The following DRC11 variants were observed in gnomAD, a reference collection of about 807,000 sequenced individuals.
DRC11 encodes IQ and AAA domain-containing protein 1.
At chr2:236,413,124 C>T in the DRC11 span, among the ~76,000 whole-genome samples, 1 of 152,304 alleles carries the variant, frequency 6.6e-6, no homozygotes, top group East Asian at 1.9e-4. The surrounding 1 kb of genome is among the most constrained non-coding windows in gnomAD (Gnocchi z 4.0). Context: ...TGCAGTGCCT[C>T]CATTGGCCCT....
the DRC11 span, chr2:236,399,352 G>A: frequency 2.8e-5 from 38 of 1,337,926 alleles, no homozygotes; most frequent in Middle Eastern, 1.8e-4. This position sits in a 1 kb window ranked among gnomAD's most constrained non-coding sequence, Gnocchi z 7.0. Context: ...GCAGCCTCCC[G>A]TGATGGGGTT....
the DRC11 span, chr2:236,419,298 A>AT: frequency 6.6e-7 from 1 of 1,516,620 alleles, no homozygotes; most frequent in South Asian, 1.3e-5. This position sits in a 1 kb window ranked among gnomAD's most constrained non-coding sequence, Gnocchi z 4.8. Context: ...TAATCATACC[A>AT]TTTTCATAGA....
At chr2:236,415,220 GTT>G in the DRC11 span, among the ~76,000 whole-genome samples, 3 of 152,096 alleles carry the variant, frequency 2.0e-5, no homozygotes, top group Non-Finnish European at 4.4e-5. This position sits in a 1 kb window ranked among gnomAD's most constrained non-coding sequence, Gnocchi z 5.7. Flanking sequence ...GTCTTTTCAA[GTT>G]TTCCAATTAT....
the DRC11 span, among the ~76,000 whole-genome samples, chr2:236,455,817 T>C: frequency 6.6e-6 from 1 of 152,224 alleles, no homozygotes; most frequent in Admixed American, 6.5e-5. The surrounding 1 kb of genome is among the most constrained non-coding windows in gnomAD (Gnocchi z 5.7). Flanking sequence ...AGAAAGAATG[T>C]GCATTTGCTG....
the DRC11 span, among the ~76,000 whole-genome samples, chr2:236,416,256 T>G: frequency 6.6e-6 from 1 of 152,000 alleles, no homozygotes; most frequent in Non-Finnish European, 1.5e-5. Flanking sequence ...CCAGGCAAGG[T>G]GAGGGGGCTG....
At chr2:236,331,629 G>A in the DRC11 span, 2 of 1,524,228 alleles carry the variant, frequency 1.3e-6, no homozygotes, top group South Asian at 1.1e-5. This position sits in a 1 kb window ranked among gnomAD's most constrained non-coding sequence, Gnocchi z 4.8. Context: ...CAGAGAACAA[G>A]GGTTACCACA....
the DRC11 span, among the ~76,000 whole-genome samples, chr2:236,367,304 T>C: frequency 6.7e-6 from 1 of 148,166 alleles, no homozygotes; most frequent in East Asian, 1.9e-4. This position sits in a 1 kb window ranked among gnomAD's most constrained non-coding sequence, Gnocchi z 4.8. Flanking sequence ...ATAAAACATA[T>C]ATATTATATA....
the DRC11 span, among the ~76,000 whole-genome samples, chr2:236,450,718 T>G: frequency 1.3e-5 from 2 of 151,772 alleles, no homozygotes; most frequent in Non-Finnish European, 2.9e-5. Context: ...CCTTCATTTA[T>G]CATACATTAC....
At chr2:236,314,126 T>G in the DRC11 span, among the ~76,000 whole-genome samples, 4 of 152,212 alleles carry the variant, frequency 2.6e-5, no homozygotes, top group Non-Finnish European at 5.9e-5. The surrounding 1 kb of genome is among the most constrained non-coding windows in gnomAD (Gnocchi z 4.5). Flanking sequence ...TATTATACTA[T>G]AATTGTGCAA....
the DRC11 span, among the ~76,000 whole-genome samples, chr2:236,339,896 TG>T: frequency 6.6e-6 from 1 of 152,262 alleles, no homozygotes; most frequent in Non-Finnish European, 1.5e-5. Flanking sequence ...CCTGAATTTC[TG>T]GATGAATTTT....
At chr2:236,353,794 C>CGGGGTTA in the DRC11 span, among the ~76,000 whole-genome samples, 2 of 151,042 alleles carry the variant, frequency 1.3e-5, no homozygotes, top group Middle Eastern at 3.2e-3. This position sits in a 1 kb window ranked among gnomAD's most constrained non-coding sequence, Gnocchi z 5.0. Context: ...TGAGGTGCTG[C>CGGGGTTA]GGGGTTAGGG....
chr2:236,461,070 T>A, the DRC11 span, among the ~76,000 whole-genome samples: 5 of 152,136 alleles, frequency 3.3e-5, no homozygotes, highest in Non-Finnish European at 7.4e-5. The surrounding 1 kb of genome is among the most constrained non-coding windows in gnomAD (Gnocchi z 4.0). Flanking sequence ...AACATAGATT[T>A]AGTAAGTTAA....
the DRC11 span, among the ~76,000 whole-genome samples, chr2:236,413,756 T>C: frequency 6.6e-6 from 1 of 152,268 alleles, no homozygotes; most frequent in African/African-American, 2.4e-5. This position sits in a 1 kb window ranked among gnomAD's most constrained non-coding sequence, Gnocchi z 4.0. Flanking sequence ...TTAATGTTCA[T>C]GTGATCATGT....
At chr2:236,505,482 C>A in the DRC11 span, among the ~76,000 whole-genome samples, 7 of 152,088 alleles carry the variant, frequency 4.6e-5, no homozygotes, top group African/African-American at 1.7e-4. Flanking sequence ...CCTGTTACCC[C>A]CAGAGCCCTC....
chr2:236,368,442 G>C, the DRC11 span: 1 of 598,382 alleles, frequency 1.7e-6, no homozygotes, highest in East Asian at 2.8e-5. Context: ...GAGTCATTAT[G>C]AAGAACACAT....
At chr2:236,337,349 C>T in the DRC11 span, among the ~76,000 whole-genome samples, 2 of 152,298 alleles carry the variant, frequency 1.3e-5, no homozygotes, top group Non-Finnish European at 2.9e-5. This position sits in a 1 kb window ranked among gnomAD's most constrained non-coding sequence, Gnocchi z 4.9. Context: ...ACCACCCGTC[C>T]TTCCCTCCTC....
chr2:236,405,561 C>T, the DRC11 span, among the ~76,000 whole-genome samples: 930 of 152,126 alleles, frequency 6.1e-3, 10 homozygotes, highest in African/African-American at 0.021. This position sits in a 1 kb window ranked among gnomAD's most constrained non-coding sequence, Gnocchi z 4.6. Flanking sequence ...TTAGAGCAGA[C>T]AGTTGCTTTC....
the DRC11 span, chr2:236,368,038 T>A: frequency 1.5e-6 from 1 of 665,228 alleles, no homozygotes; most frequent in Non-Finnish European, 2.8e-6. Context: ...TGCTGGTGGG[T>A]GCACTATCAA....
At chr2:236,449,931 G>A in the DRC11 span, among the ~76,000 whole-genome samples, 2 of 152,188 alleles carry the variant, frequency 1.3e-5, no homozygotes, top group Non-Finnish European at 2.9e-5. This position sits in a 1 kb window ranked among gnomAD's most constrained non-coding sequence, Gnocchi z 5.1. Context: ...AAAGGGACAG[G>A]AGGAGAAACC....
Sources: gnomAD v4.1 joint callset for allele counts (sites outside exome capture counted in the v4.1 genomes callset) on GRCh38, gnomAD v4.1.1 for gene constraint, Gnocchi (gnomAD v3.1) non-coding constraint, MANE v1.5 for transcripts, NCBI Gene and HGNC (gene_info 2026-07-23, HGNC 2026-07-21) for gene names.